MAFF: variants seen among roughly 807,000 people sequenced by gnomAD.
The protein encoded by MAFF is transcription factor MafF.
A neutral mutation model predicts 2.7 loss-of-function variants in MAFF; 4 were observed. The ratio of observed to expected loss-of-function variants is 1.48; its 90% CI spans 0.73 to 3.39. The LOEUF is 3.39. Ranked by LOEUF, MAFF falls within the 30% of genes most tolerant of loss-of-function variation. The pLI, the probability that MAFF is intolerant of heterozygous loss-of-function variation, is 0.01. For synonymous variants in MAFF, 113 were observed against 119.4 expected (o/e 0.95, Z 0.35); for missense variants, 190 against 246.6 (o/e 0.77, Z 1.54).
At chr22:38,213,325 T>C (rs555554688) in intron 1 of MAFF, among the ~76,000 whole-genome samples, 1 of 152,144 alleles carries the variant, frequency 6.6e-6, no homozygotes, top group African/African-American at 2.4e-5. Flanking sequence ...TACTGAGCCA[T>C]CTACTATATA....
chr22:38,212,371 T>G (rs2091107749), intron 1 of MAFF, among the ~76,000 whole-genome samples: 1 of 152,146 alleles, frequency 6.6e-6, no homozygotes, highest in Admixed American at 6.5e-5. Flanking sequence ...AAAACTCAGG[T>G]TCTCATGGCG....
At chr22:38,211,191 T>G (rs2091097366) in intron 1 of MAFF, among the ~76,000 whole-genome samples, 1 of 150,024 alleles carries the variant, frequency 6.7e-6, no homozygotes, top group African/African-American at 2.4e-5. Flanking sequence ...GGAAGCCAAG[T>G]AGGGCTGAGG....
In MAFF at chr22:38,215,001, C is replaced by CAT. The variant is rs2091135906; in HGVS notation, c.*124_*125dup. ...CAGCACTGGCCCCTTGGTGCACACA[C>CAT]ATTCCCTTCGTGGGCCCTGTCTTCC... On this transcript the variant is annotated 3_prime_UTR_variant, in exon 3 of 3. Coordinates refer to ENST00000338483, the MANE Select transcript of MAFF (RefSeq NM_012323.4). 1.3e-6 allele frequency: 1 copy of CAT among 752,274 alleles called. No individual in the cohort carries two copies. Among genetic ancestry groups the CAT allele is most frequent in the Non-Finnish European group, 2.2e-6 (1 of 447,274 alleles). 46.6% of individuals were successfully genotyped at this position (752,274 alleles called of 1,614,324 possible).
intron 1 of MAFF, among the ~76,000 whole-genome samples, chr22:38,211,132 C>G (rs1403591990): frequency 6.6e-6 from 1 of 152,016 alleles, no homozygotes; most frequent in Non-Finnish European, 1.5e-5. Flanking sequence ...GAGGAGCGTG[C>G]ATCCTGTGTT....
chr22:38,215,035 C>T lies in MAFF; in HGVS notation c.*157C>T, dbSNP rs1274511822. The T allele has an allele frequency of 3.1e-6, 2 of 636,158 alleles. No homozygotes were observed. Among genetic ancestry groups the T allele is most frequent in the Non-Finnish European group, 5.6e-6 (2 of 356,036 alleles). The allele number at this position is 636,158 out of a possible 1,614,324, so 39.4% of individuals were successfully genotyped here. A position where few individuals can be genotyped will look rare whatever the true frequency, so the allele number is the denominator to read the frequency against. Reference sequence around the variant, plus strand: ...CGTGGGCCCTGTCTTCCTCTTGCAGCCCCCCAAACTGGGACCGAATGACCC... The same window carrying T: ...CGTGGGCCCTGTCTTCCTCTTGCAGTCCCCCAAACTGGGACCGAATGACCC... On this transcript the variant is annotated 3_prime_UTR_variant, in exon 3 of 3. Coordinates refer to ENST00000338483, the MANE Select transcript of MAFF (RefSeq NM_012323.4).
intron 1 of MAFF, among the ~76,000 whole-genome samples, chr22:38,209,242 T>C (rs2091078313): frequency 6.6e-6 from 1 of 151,818 alleles, no homozygotes; most frequent in South Asian, 2.1e-4. Context: ...TTTTTTGTAT[T>C]TTTTAGTAGA....
At chr22:38,203,988 G>A (rs1388246878) in intron 1 of MAFF, 3 of 152,270 alleles carry the variant, frequency 2.0e-5, no homozygotes, top group Non-Finnish European at 4.4e-5. Context: ...AACCAGACAG[G>A]CCCACCCTCA....
intron 1 of MAFF, 142 bp from the exon 2 acceptor site, chr22:38,213,681 C>G: frequency 1.4e-6 from 1 of 716,466 alleles, no homozygotes; most frequent in South Asian, 1.5e-5. Flanking sequence ...GGCCTGTGGA[C>G]CAATGTGGAG....
At chr22:38,204,974 AG>A (rs1207225809) in intron 1 of MAFF, among the ~76,000 whole-genome samples, 1 of 151,956 alleles carries the variant, frequency 6.6e-6, no homozygotes, top group Non-Finnish European at 1.5e-5. Context: ...GAGGCTGGTG[AG>A]CAGGCGGTTG....
intron 1 of MAFF, among the ~76,000 whole-genome samples, chr22:38,204,317 T>C (rs1327501022): frequency 1.3e-5 from 2 of 152,126 alleles, no homozygotes; most frequent in African/African-American, 4.8e-5. Context: ...GGTTTGAAAG[T>C]ACATAACAGC....
Position 38,215,130 on chromosome 22 carries a change from G to A in MAFF, c.*252G>A, listed in dbSNP as rs2091137811. On this transcript the variant is annotated 3_prime_UTR_variant, in exon 3 of 3. Coordinates refer to ENST00000338483, the MANE Select transcript of MAFF (RefSeq NM_012323.4). ...GATCTGGGATCGCCCTTGGCTGAAA[G>A]TTTAGCCTTTTTAGATTGAGAGATA... 1 of 446,840 alleles carries A rather than the reference G, an allele frequency of 2.2e-6. No homozygotes were observed. Among genetic ancestry groups the A allele is most frequent in the African/African-American group, 2.1e-5 (1 of 47,364 alleles). 27.7% of individuals were successfully genotyped at this position (446,840 alleles called of 1,614,324 possible). A position where few individuals can be genotyped will look rare whatever the true frequency, so the allele number is the denominator to read the frequency against.
At chr22:38,212,789 T>C (rs1490268562) in intron 1 of MAFF, among the ~76,000 whole-genome samples, 5 of 152,162 alleles carry the variant, frequency 3.3e-5, no homozygotes, top group African/African-American at 1.2e-4. Context: ...TACGGGGTGC[T>C]GGATGGGCTT....
intron 1 of MAFF, among the ~76,000 whole-genome samples, chr22:38,209,452 A>C (rs1299382244): frequency 6.6e-6 from 1 of 152,092 alleles, no homozygotes; most frequent in African/African-American, 2.4e-5. Context: ...GAATGAGCTG[A>C]GACCAGCAGG....
intron 1 of MAFF, among the ~76,000 whole-genome samples, chr22:38,208,413 G>T (rs546553018): frequency 6.6e-6 from 1 of 152,300 alleles, no homozygotes; most frequent in African/African-American, 2.4e-5. Flanking sequence ...CCAAAGTCAC[G>T]TGGATGGGAT....
intron 1 of MAFF, chr22:38,205,291 A>G (rs1205377493): frequency 6.6e-6 from 1 of 151,950 alleles, no homozygotes; most frequent in Non-Finnish European, 1.5e-5. Context: ...GTGAGAGGGT[A>G]CCTGAACTGG....
intron 1 of MAFF, among the ~76,000 whole-genome samples, chr22:38,210,548 G>A (rs1301272303): frequency 6.6e-6 from 1 of 151,646 alleles, no homozygotes; most frequent in Non-Finnish European, 1.5e-5. Context: ...GACAGACACT[G>A]AACAAATAAC....
chr22:38,211,788 G>C lies in MAFF; in HGVS notation c.-31-2035G>C, dbSNP rs549896338. On this transcript the variant is annotated intron_variant, in intron 1 of 2. Coordinates refer to ENST00000338483, the MANE Select transcript of MAFF (RefSeq NM_012323.4). ...CTTTCCATTTCTGCACCTTGTCCCT[G>C]GGAGACACCCCGGTCCTGCCAGAAT... is the stretch of plus-strand genomic sequence containing the variant. Among the ~76,000 whole-genome samples the C allele has an allele frequency of 2.0e-5, 3 of 152,268 alleles. No individual in the cohort carries two copies. In the East Asian group the frequency reaches 5.8e-4, roughly 29 times the overall value.
chr22:38,205,588 A>C (rs922021297), intron 1 of MAFF: 1 of 152,164 alleles, frequency 6.6e-6, no homozygotes, highest in African/African-American at 2.4e-5. Flanking sequence ...GTCCCTCAAG[A>C]GTCACCTCTC....
intron 1 of MAFF, 194 bp from the exon 2 acceptor site, chr22:38,213,629 G>T (rs760008471): frequency 5.9e-6 from 4 of 672,994 alleles, no homozygotes; most frequent in African/African-American, 1.8e-5. Flanking sequence ...AAAGAGCACA[G>T]CCTGTGCACA....
Sources: allele counts gnomAD v4.1 joint callset (sites outside exome capture counted in the v4.1 genomes callset), GRCh38; gene constraint gnomAD v4.1.1; transcripts MANE v1.5; gene names NCBI Gene and HGNC (gene_info 2026-07-23, HGNC 2026-07-21).